The following KIAA1958 variants were observed in gnomAD, a reference collection of about 807,000 sequenced individuals.
KIAA1958 encodes uncharacterized protein KIAA1958.
In KIAA1958, 14 loss-of-function variants were observed where a neutral mutation model predicts 47.2. That is an observed-to-expected ratio of 0.30 (90% CI 0.20 to 0.46). The LOEUF (loss-of-function observed/expected upper bound fraction) is 0.46, where lower values mean the gene tolerates loss of function less well. Ranked by LOEUF, KIAA1958 falls within the 20% of genes least tolerant of loss-of-function variation. The pLI, the probability that KIAA1958 is intolerant of heterozygous loss-of-function variation, is 1.00. For missense variants in KIAA1958, 803 were observed against 909.2 expected (o/e 0.88, Z 1.50); for synonymous variants, 354 against 353.3 (o/e 1.00, Z -0.02).
At chr9:112,626,911 C>G (rs1836624846) in intron 2 of KIAA1958, among the ~76,000 whole-genome samples, 1 of 151,316 alleles carries the variant, frequency 6.6e-6, no homozygotes. Context: ...CATGTTGTTA[C>G]AGGTGCTCTT....
At chr9:112,527,838 G>A (rs1316127323) in intron 1 of KIAA1958, among the ~76,000 whole-genome samples, 1 of 151,754 alleles carries the variant, frequency 6.6e-6, no homozygotes, top group Non-Finnish European at 1.5e-5. Context: ...TGGCGAGGCC[G>A]AGGTGGAAGG....
chr9:112,549,148 G>C (rs559366770), intron 1 of KIAA1958, among the ~76,000 whole-genome samples: 7 of 152,162 alleles, frequency 4.6e-5, no homozygotes, highest in Non-Finnish European at 1.0e-4. Context: ...ATAGTGTTTA[G>C]TTTTCTGACA....
At chr9:112,624,984 C>T (rs1418686152) in intron 2 of KIAA1958, among the ~76,000 whole-genome samples, 1 of 150,562 alleles carries the variant, frequency 6.6e-6, no homozygotes, top group Non-Finnish European at 1.5e-5. Flanking sequence ...GCCAAGAGAA[C>T]ACAACCTCAA....
chr9:112,568,985 G>A (rs1308514373), intron 1 of KIAA1958, among the ~76,000 whole-genome samples: 1 of 128,058 alleles, frequency 7.8e-6, no homozygotes, highest in Non-Finnish European at 1.6e-5. Flanking sequence ...ATGACAATGT[G>A]TGTTACAGGG....
chr9:112,490,798 G>A (rs972470472), intron 1 of KIAA1958, among the ~76,000 whole-genome samples: 8 of 152,280 alleles, frequency 5.3e-5, no homozygotes, highest in South Asian at 2.1e-4. Context: ...GTTCATAGTG[G>A]TAATGCTAAT....
chr9:112,538,088 T>C (rs1189487749), intron 1 of KIAA1958, among the ~76,000 whole-genome samples: 1 of 152,128 alleles, frequency 6.6e-6, no homozygotes, highest in African/African-American at 2.4e-5. Flanking sequence ...CCCAGCTCTA[T>C]GGGAGGCCAA....
rs1216790123 is a variant in KIAA1958 at position 112,659,346 on chromosome 9, C to G, written c.1428C>G (p.Thr476=). ...GCGACGGCTCGGACTTCCTGGCCAC[C>G]TCGCTCCATGCTATTCGCCGAGGCC... ...KKSDGSDFLA[T]SLHAIRRGLD... Residue 476 remains threonine (T), a synonymous_variant, in exon 4 of 4, where the codon ACC becomes ACG. Coordinates refer to ENST00000337530, the MANE Select transcript of KIAA1958 (RefSeq NM_133465.4). The G allele has an allele frequency of 1.5e-5, 25 of 1,614,088 alleles. No individual in the cohort carries two copies. Among genetic ancestry groups the G allele is most frequent in the Non-Finnish European group, 2.0e-5 (24 of 1,180,038 alleles).
rs186569007 is a variant in KIAA1958, at chr9:112,588,323, G to A, written c.1171+13072G>A. On this transcript the variant is annotated intron_variant, in intron 2 of 3. Coordinates refer to ENST00000337530, the MANE Select transcript of KIAA1958 (RefSeq NM_133465.4). ...CACAAGCTCTGGTGCAGTCAGAGAA[G>A]AATGTTTCTAAGGGTTGTTGGGTGG... 2.9e-3 allele frequency among the ~76,000 whole-genome samples: 449 copies of A among 152,278 alleles called. 4 individuals are homozygous for A. The highest frequency in any genetic ancestry group is 4.6e-3 in the Non-Finnish European group (315 of 68,018).
rs1200554341 is a variant in KIAA1958 at position 112,636,545 on chromosome 9, C to A, written c.1172-9105C>A. 2.6e-5 allele frequency among the ~76,000 whole-genome samples: 4 copies of A among 152,024 alleles called. 1 individual carries two copies. Among genetic ancestry groups the A allele is most frequent in the African/African-American group, 9.7e-5 (4 of 41,416 alleles). ...CTTTTAATTTTTGCTTTCTATATGT[C>A]TATAGGCATTGTTATCAGATCCATA... On this transcript the variant is annotated intron_variant, in intron 2 of 3. Coordinates refer to ENST00000337530, the MANE Select transcript of KIAA1958 (RefSeq NM_133465.4).
chr9:112,532,185 G>A (rs1834761816), intron 1 of KIAA1958, among the ~76,000 whole-genome samples: 1 of 152,194 alleles, frequency 6.6e-6, no homozygotes, highest in African/African-American at 2.4e-5. Flanking sequence ...GTAGGCTGAT[G>A]TCTGTGGGTG....
intron 2 of KIAA1958, among the ~76,000 whole-genome samples, chr9:112,634,531 G>A (rs372376695): frequency 3.1e-4 from 47 of 152,056 alleles, no homozygotes; most frequent in African/African-American, 5.6e-4. Flanking sequence ...GCGACTGGCC[G>A]TTTTGTCCAT....
rs537747164 is a variant in KIAA1958, at chr9:112,615,060, A to G, written c.1172-30590A>G. On this transcript the variant is annotated intron_variant, in intron 2 of 3. Transcript: ENST00000337530. ...ACCACTCACTTTTAAATTGACACCC[A>G]AAGGTTTTTCAATATGTTTCAATCA... 9.8e-5 allele frequency among the ~76,000 whole-genome samples: 15 copies of G among 152,318 alleles called. 2 individuals carry two copies. The highest frequency in any genetic ancestry group is 3.6e-4 in the African/African-American group (15 of 41,572).
At chr9:112,511,034 A>G (rs1455267473) in intron 1 of KIAA1958, among the ~76,000 whole-genome samples, 1 of 152,066 alleles carries the variant, frequency 6.6e-6, no homozygotes, top group Non-Finnish European at 1.5e-5. Flanking sequence ...AGAGGTAGGC[A>G]GGTAGAGGTA....
chr9:112,613,473 G>A (rs557042464), intron 2 of KIAA1958, among the ~76,000 whole-genome samples: 15 of 152,120 alleles, frequency 9.9e-5, no homozygotes, highest in African/African-American at 3.4e-4. Context: ...AATCATAAGG[G>A]AAATAAATTG....
intron 1 of KIAA1958, among the ~76,000 whole-genome samples, chr9:112,508,272 G>C (rs532841613): frequency 6.6e-6 from 1 of 152,210 alleles, no homozygotes; most frequent in African/African-American, 2.4e-5. Context: ...TGCTTTTTCA[G>C]ATAAATACAC....
chr9:112,629,907 T>G (rs1230849602), intron 2 of KIAA1958, among the ~76,000 whole-genome samples: 1 of 152,272 alleles, frequency 6.6e-6, no homozygotes, highest in Non-Finnish European at 1.5e-5. Context: ...ATGACCAGTC[T>G]TCATTCATTT....
chr9:112,656,147 C>T (rs1046663909), intron 3 of KIAA1958, among the ~76,000 whole-genome samples: 24 of 152,058 alleles, frequency 1.6e-4, no homozygotes, highest in African/African-American at 5.8e-4. Context: ...CCTAGGCGGG[C>T]GGATCGCTTG....
intron 1 of KIAA1958, among the ~76,000 whole-genome samples, chr9:112,556,053 TG>T (rs1397383452): frequency 6.6e-6 from 1 of 152,132 alleles, no homozygotes; most frequent in African/African-American, 2.4e-5. Context: ...CACTCCAGCC[TG>T]GGGGACAAGA....
chr9:112,635,481 A>G (rs899247553), intron 2 of KIAA1958, among the ~76,000 whole-genome samples: 4 of 152,120 alleles, frequency 2.6e-5, no homozygotes, highest in South Asian at 2.1e-4. Flanking sequence ...CAAACTCCTC[A>G]GCTCAAGTTA....
Sources: gnomAD v4.1 joint callset for allele counts (sites outside exome capture counted in the v4.1 genomes callset) on GRCh38, gnomAD v4.1.1 for gene constraint, MANE v1.5 for transcripts, NCBI Gene and HGNC (gene_info 2026-07-23, HGNC 2026-07-21) for gene names.